Variants in POLN observed in about 807,000 individuals in gnomAD.
POLN encodes DNA polymerase N.
POLN carries 108 observed loss-of-function variants against 113.5 expected under a neutral mutation model. The ratio of observed to expected loss-of-function variants is 0.95; its 90% confidence interval spans 0.81 to 1.12. POLN has a LOEUF of 1.12. Among genes scored for constraint, POLN ranks in the 50% most tolerant of loss-of-function variants. The probability of loss-of-function intolerance (pLI) is 0.00; values close to 1 mark genes in which losing one functional copy is unlikely to be tolerated. For synonymous variants in POLN, 386 were observed against 391.5 expected (o/e 0.99, Z 0.17); for missense variants, 1,097 against 1,077.1 (o/e 1.02, Z -0.26).
chr4:2,190,297 T>C (rs572536897), intron 7 of POLN, among the ~76,000 whole-genome samples: 19 of 152,062 alleles, frequency 1.2e-4, no homozygotes, highest in South Asian at 2.1e-4. Context: ...TCCAAGAATA[T>C]ATATTGGGGA....
chr4:2,135,351 G>C (rs6821050), intron 16 of POLN, among the ~76,000 whole-genome samples: 9,343 of 152,264 alleles, frequency 0.061, 953 homozygotes, highest in African/African-American at 0.21. Context: ...CTCTGGAGGA[G>C]ATATCAGCCC....
Position 2,199,264 on chromosome 4 carries a change from C to G in POLN, c.715-547G>C, listed in dbSNP as rs117251460. The stretch of plus-strand genomic sequence containing the variant: ...TATGTATGCTGAAAACTATAAAATG[C>G]TGATGAAAGAAATCAGAGAAGACCT... On this transcript the variant is annotated intron_variant, in intron 5 of 25. Transcript: ENST00000511885. Among the ~76,000 whole-genome samples, 182 of 151,984 alleles carry G rather than the reference C, an allele frequency of 1.2e-3. 2 individuals are homozygous for G. In the East Asian group the frequency reaches 0.032, roughly 26 times the overall value.
In POLN at chr4:2,173,980, A is replaced by G. The variant is rs1202663996; in HGVS notation, c.1349T>C (p.Met450Thr). ...SHAIQVNKEE[M>T]EKTSALLGAR... ...CCCAAGAAGTGCTGACGTCTTCTCC[A>G]TCTCCTCTTTGTTCACCTGAATGGC... Residue 450 changes from methionine (M) to threonine (T), a missense_variant, in exon 11 of 26, where the codon ATG (methionine) becomes ACG (threonine). Transcript: ENST00000511885. The G allele has an allele frequency of 6.2e-7, 1 of 1,614,220 alleles. No individual in the cohort carries two copies. The highest frequency in any genetic ancestry group is 8.5e-7 in the Non-Finnish European group (1 of 1,180,028).
chr4:2,123,070 A>G (rs1252005877), intron 19 of POLN, among the ~76,000 whole-genome samples: 3 of 151,216 alleles, frequency 2.0e-5, no homozygotes, highest in Non-Finnish European at 4.4e-5. Flanking sequence ...AGGCAGGAGG[A>G]TTGCTTGAGT....
chr4:2,193,623 A>G (rs1226037619), intron 6 of POLN, among the ~76,000 whole-genome samples: 1 of 152,186 alleles, frequency 6.6e-6, no homozygotes, highest in Non-Finnish European at 1.5e-5. Context: ...TGGGCTCTTT[A>G]GAGCCAGGCC....
rs143216081 is a variant in POLN, at chr4:2,234,923, T to C, written c.-12-5680A>G. Among the ~76,000 whole-genome samples the C allele has an allele frequency of 2.1e-3, 320 of 152,356 alleles. 1 individual carries two copies. The highest frequency in any genetic ancestry group is 7.2e-3 in the African/African-American group (300 of 41,576). ...TTTTTTGACACCAAGTCTTGCTCTG[T>C]CGCCCAGGCTGGAGTGCAGTGGCGC... is the stretch of plus-strand genomic sequence containing the variant. On this transcript the variant is annotated intron_variant, in intron 2 of 25. Transcript: ENST00000511885.
rs983693944 is a variant in POLN at position 2,232,448 on chromosome 4, A to G, written c.-12-3205T>C. On this transcript the variant is annotated intron_variant, in intron 2 of 25. Transcript: ENST00000511885. ...TGCATTCATATATTCAACAAATGCT[A>G]TTGTGCCAAGTACTGTTTTAGAGAT... Among the ~76,000 whole-genome samples, 7 of 152,350 alleles carry G rather than the reference A, an allele frequency of 4.6e-5. No homozygotes were observed. The South Asian group carries it at 1.0e-3, about 23-fold the overall frequency.
At chr4:2,084,698 G>A (rs975268162) in intron 21 of POLN, among the ~76,000 whole-genome samples, 1 of 152,206 alleles carries the variant, frequency 6.6e-6, no homozygotes, top group African/African-American at 2.4e-5. Flanking sequence ...GAGGGTCCAC[G>A]AGGCTGCCAC....
In POLN at chr4:2,081,733, C is replaced by A; in HGVS notation, c.2208G>T (p.Val736=). 1 of 1,613,958 alleles carries A rather than the reference C, an allele frequency of 6.2e-7. No individual in the cohort carries two copies. The change falls in exon 22 of 26, where the codon GTG becomes GTT. Residue 736 remains valine (V), a synonymous_variant. Coordinates refer to ENST00000511885, the MANE Select transcript of POLN (RefSeq NM_181808.4). The part of the protein sequence containing the change: ...IAQCHQTGCV[V]SIMGRRRPLP... Reference sequence around the variant, plus strand: ...GGGGTCTCCTTCTGCCCATGATGGACACCACACAGCCTGAGTCACACAGAG... The same window carrying A: ...GGGGTCTCCTTCTGCCCATGATGGAAACCACACAGCCTGAGTCACACAGAG...
intron 7 of POLN, among the ~76,000 whole-genome samples, chr4:2,188,383 G>A (rs919024159): frequency 6.6e-6 from 1 of 152,070 alleles, no homozygotes; most frequent in Non-Finnish European, 1.5e-5. Flanking sequence ...GGCAGATCAC[G>A]AGGTCAGGAG....
chr4:2,074,460 TTTC>T (rs1423659914), intron 24 of POLN, among the ~76,000 whole-genome samples: 2 of 152,086 alleles, frequency 1.3e-5, no homozygotes, highest in Admixed American at 1.3e-4. Context: ...TTGGGAACGT[TTTC>T]TTTCCTTTTT....
intron 2 of POLN, among the ~76,000 whole-genome samples, chr4:2,237,671 AACCT>A (rs1734815231): frequency 6.6e-6 from 1 of 152,216 alleles, no homozygotes; most frequent in Non-Finnish European, 1.5e-5. Flanking sequence ...TACACATCTT[AACCT>A]ACCTATATTA....
At chr4:2,195,685 T>C (rs564579316) in intron 6 of POLN, among the ~76,000 whole-genome samples, 1 of 152,212 alleles carries the variant, frequency 6.6e-6, no homozygotes, top group Non-Finnish European at 1.5e-5. Context: ...GGTCTCACTA[T>C]GTTGCTCAGG....
chr4:2,184,314 A>G (rs1733219809), intron 7 of POLN, among the ~76,000 whole-genome samples: 2 of 152,028 alleles, frequency 1.3e-5, no homozygotes, highest in South Asian at 4.1e-4. Flanking sequence ...AGACCAAGTC[A>G]CTAATTAGGG....
rs755590673 is a variant in POLN at position 2,085,736 on chromosome 4, G to A, written c.2074C>T (p.Arg692Trp). 7.4e-6 allele frequency: 12 copies of A among 1,613,694 alleles called. No homozygotes were observed. Among genetic ancestry groups the A allele is most frequent in the Admixed American group, 3.3e-5 (2 of 60,028 alleles). ...GGAACTCCAAGGCAAGCAGCCAGCC[G>A]CTCCTTCCCTGTCAGTCAGAGAGAC... is the stretch of plus-strand genomic sequence containing the variant. ...YAVVYGAGKE[R>W]LAACLGVPIQ... Residue 692 changes from arginine (R) to tryptophan (W), a missense_variant, in exon 21 of 26, where the codon CGG becomes TGG. Physicochemically the swap from Arg to Trp is moderately radical, Grantham distance 101 (BLOSUM62 -3). Coordinates refer to ENST00000511885, the MANE Select transcript of POLN (RefSeq NM_181808.4).
chr4:2,083,371 GACTCA>G (rs753501882), intron 21 of POLN, among the ~76,000 whole-genome samples: 1 of 152,152 alleles, frequency 6.6e-6, no homozygotes, highest in Non-Finnish European at 1.5e-5. Flanking sequence ...GCGTTCTTAG[GACTCA>G]ACTCATTTGC....
At chr4:2,221,945 A>C (rs922617708) in intron 3 of POLN, among the ~76,000 whole-genome samples, 2 of 152,180 alleles carry the variant, frequency 1.3e-5, no homozygotes, top group Non-Finnish European at 2.9e-5. Flanking sequence ...AACCAATTAC[A>C]TCTTACACAT....
intron 16 of POLN, among the ~76,000 whole-genome samples, chr4:2,133,492 GA>G (rs1731778702): frequency 6.6e-6 from 1 of 152,180 alleles, no homozygotes; most frequent in East Asian, 1.9e-4. Flanking sequence ...GCTATAAAAA[GA>G]ATGACATCCT....
intron 9 of POLN, among the ~76,000 whole-genome samples, chr4:2,175,905 TG>T (rs1732982935): frequency 6.6e-6 from 1 of 152,206 alleles, no homozygotes; most frequent in African/African-American, 2.4e-5. Flanking sequence ...CTCTTCTTGG[TG>T]GCTCATTGCA....
Sources: allele counts gnomAD v4.1 joint callset (sites outside exome capture counted in the v4.1 genomes callset), GRCh38; gene constraint gnomAD v4.1.1; transcripts MANE v1.5; gene names NCBI Gene and HGNC (gene_info 2026-07-23, HGNC 2026-07-21).